Variants in CR1 observed in about 807,000 individuals in gnomAD.
The protein encoded by CR1 is complement receptor type 1.
In CR1, 116 loss-of-function variants were observed where a neutral mutation model predicts 187.3. The observed-to-expected ratio is 0.62, with a 90% CI of 0.53 to 0.72. CR1 has a LOEUF of 0.72. CR1 is among the 30% of genes least tolerant of loss of function. The pLI is 0.00. For missense variants in CR1, 1,731 were observed against 2,110.7 expected, an observed-to-expected ratio of 0.82 and a Z score of 3.52; for synonymous variants, 576 against 747.1, an observed-to-expected ratio of 0.77 and a Z score of 3.73.
chr1:207,598,315 A>G (rs1661505716), intron 35 of CR1, among the ~76,000 whole-genome samples: 1 of 152,238 alleles, frequency 6.6e-6, no homozygotes, highest in South Asian at 2.1e-4. Flanking sequence ...AAAGAAAAAA[A>G]CAGATAACAG....
chr1:207,506,686 G>A, intron 2 of CR1, 28 bp from the exon 3 acceptor site: 1 of 1,601,668 alleles, frequency 6.2e-7, no homozygotes, highest in Non-Finnish European at 8.6e-7. Context: ...ACTCTACTTG[G>A]CTCCAAAATT....
chr1:207,611,153 C>G (rs895885275), intron 37 of CR1, among the ~76,000 whole-genome samples: 2 of 150,968 alleles, frequency 1.3e-5, no homozygotes, highest in African/African-American at 4.9e-5. Flanking sequence ...TGGCTTAAAA[C>G]ATGGAGTGGG....
chr1:207,574,948 C>T (rs75979292), intron 27 of CR1, among the ~76,000 whole-genome samples: 1 of 152,134 alleles, frequency 6.6e-6, no homozygotes, highest in African/African-American at 2.4e-5. Flanking sequence ...GTCTCTTCCA[C>T]CAGAAATAAG....
At chr1:207,600,323 G>A (rs1661569328) in intron 35 of CR1, among the ~76,000 whole-genome samples, 1 of 152,078 alleles carries the variant, frequency 6.6e-6, no homozygotes, top group Admixed American at 6.5e-5. Flanking sequence ...ACTTCAGATT[G>A]GGCAAATAAG....
At position 207,523,564 on chromosome 1, in the gene CR1, T is replaced by G. The variant is rs981128421; in HGVS notation, c.488-47T>G. 5 of 1,610,278 alleles carry G rather than the reference T, an allele frequency of 3.1e-6. No individual in the cohort carries two copies. In the African/African-American group the frequency reaches 4.0e-5, roughly 13 times the overall value. On this transcript the variant is annotated intron_variant, in intron 4 of 46. Transcript: ENST00000367049. ...TAGTGACTCATGAGATTTCTGTCAT[T>G]CATTATTTAAACTGACTGTTATTTA...
At chr1:207,513,843 G>T (rs1468349686) in intron 4 of CR1, among the ~76,000 whole-genome samples, 4 of 145,262 alleles carry the variant, frequency 2.8e-5, no homozygotes, top group Admixed American at 7.2e-5. Context: ...TTACCACGCT[G>T]GCTAGGACCA....
intron 34 of CR1, among the ~76,000 whole-genome samples, chr1:207,588,129 CTTGTTTTGTTT>C (rs1661166329): frequency 6.6e-6 from 1 of 152,038 alleles, no homozygotes; most frequent in African/African-American, 2.4e-5. Flanking sequence ...CCATAAATGA[CTTGTTTTGTTT>C]TTGTTTTGTT....
intron 4 of CR1, among the ~76,000 whole-genome samples, chr1:207,522,362 T>C (rs1184140179): frequency 1.3e-5 from 2 of 152,260 alleles, no homozygotes; most frequent in African/African-American, 4.8e-5. Context: ...TACCAGGGCC[T>C]AGTTCTTGTG....
At chr1:207,623,701 G>T (rs55862635) in intron 45 of CR1, among the ~76,000 whole-genome samples, 5,893 of 151,516 alleles carry the variant, frequency 0.039, 377 homozygotes, top group African/African-American at 0.13. Flanking sequence ...TTTTTAAATA[G>T]TTGTTCATGA....
chr1:207,610,947 C>T (rs1242351848), intron 37 of CR1, among the ~76,000 whole-genome samples: 2 of 152,098 alleles, frequency 1.3e-5, no homozygotes, highest in Non-Finnish European at 2.9e-5. Flanking sequence ...AATCCAATTA[C>T]ACTCTTTCAT....
chr1:207,582,119 T>C lies in CR1; in HGVS notation c.5302+116T>C, dbSNP rs555919745. 6.5e-5 allele frequency: 40 copies of C among 612,994 alleles called. No homozygotes were observed. In the African/African-American group the frequency reaches 6.8e-4, roughly 10 times the overall value. 38.0% of individuals were successfully genotyped at this position (612,994 alleles called of 1,614,324 possible). A position where few individuals can be genotyped will look rare whatever the true frequency, so the allele number is the denominator to read the frequency against. ...TGTTTGTGCCCGCTTTTGATAGAAA[T>C]TGTTCTTTGTTGGAATAGATACAAG... On this transcript the variant is annotated intron_variant, in intron 32 of 46. Transcript: ENST00000367049.
chr1:207,512,787 G>GA (rs1659662183), intron 4 of CR1, among the ~76,000 whole-genome samples: 1 of 152,122 alleles, frequency 6.6e-6, no homozygotes, highest in Non-Finnish European at 1.5e-5. Context: ...CTGGAAATAT[G>GA]AAAAAGATTA....
rs1662617121 is a variant in CR1 at position 207,630,725 on chromosome 1, A to G, written c.7457+104A>G. 3 of 653,276 alleles carry G rather than the reference A, an allele frequency of 4.6e-6. No individual in the cohort carries two copies. The Admixed American group carries it at 1.2e-4, about 25-fold the overall frequency. The allele number at this position is 653,276 out of a possible 1,614,324, so 40.5% of individuals were successfully genotyped here. A position where few individuals can be genotyped will look rare whatever the true frequency, so the allele number is the denominator to read the frequency against. ...TTGCACTAGGTAGGTCATTGATACC[A>G]AAGAATTTAGAAAGTACTTCAGGAG... On this transcript the variant is annotated intron_variant, in intron 46 of 46. Transcript: ENST00000367049.
chr1:207,623,931 T>G (rs1662402584), intron 45 of CR1, among the ~76,000 whole-genome samples: 1 of 139,238 alleles, frequency 7.2e-6, no homozygotes, highest in African/African-American at 2.7e-5. Context: ...TTTTTTTTTT[T>G]TTTTTTTTTT....
intron 23 of CR1, among the ~76,000 whole-genome samples, chr1:207,565,396 C>G (rs1320179636): frequency 4.7e-5 from 7 of 150,484 alleles, no homozygotes; most frequent in South Asian, 2.1e-4. Context: ...AAAGGACAAT[C>G]TCTGTTCTCT....
intron 2 of CR1, 25 bp from the exon 3 acceptor site, chr1:207,506,689 C>T (rs3958441): frequency 1.2e-6 from 2 of 1,607,100 alleles, no homozygotes; most frequent in East Asian, 2.2e-5. Context: ...CTACTTGGCT[C>T]CAAAATTCTG....
At chr1:207,565,508 A>G (rs1356914436) in intron 23 of CR1, among the ~76,000 whole-genome samples, 2 of 150,142 alleles carry the variant, frequency 1.3e-5, no homozygotes, top group Non-Finnish European at 2.9e-5. Context: ...CTGGGTTTCT[A>G]ATAACAACAA....
rs1212005590 is a variant in CR1 at position 207,515,255 on chromosome 1, A to ATATACGTATACGTATACATATATAGG, written c.487+3606_487+3631dup. ...TATATATACATATACATATATAGGT[A>ATATACGTATACGTATACATATATAGG]TATACGTATACGTATACATATATAG... On this transcript the variant is annotated intron_variant, in intron 4 of 46. Coordinates refer to ENST00000367049, the MANE Select transcript of CR1 (RefSeq NM_000651.6). Among the ~76,000 whole-genome samples, 9 of 148,042 alleles carry ATATACGTATACGTATACATATATAGG rather than the reference A, an allele frequency of 6.1e-5. No homozygotes were observed. In the East Asian group the frequency reaches 1.8e-3, roughly 29 times the overall value.
Position 207,496,401 on chromosome 1 carries a change from C to A in CR1, c.121+13C>A. ...CCGGTGGCCTGGGGTGAGAGGCGGGCGGGCGTGGGGAGGCGCCCGGGCGGA... is the reference window on the plus strand; with the variant it reads ...CCGGTGGCCTGGGGTGAGAGGCGGGAGGGCGTGGGGAGGCGCCCGGGCGGA... On this transcript the variant is annotated intron_variant, in intron 1 of 46. Transcript: ENST00000367049. 3 of 1,600,340 alleles carry A rather than the reference C, an allele frequency of 1.9e-6. No individual in the cohort carries two copies. The highest frequency in any genetic ancestry group is 2.2e-5 in the East Asian group (1 of 44,512).
Sources: gnomAD v4.1 joint callset for allele counts (sites outside exome capture counted in the v4.1 genomes callset) on GRCh38, gnomAD v4.1.1 for gene constraint, MANE v1.5 for transcripts, NCBI Gene and HGNC (gene_info 2026-07-23, HGNC 2026-07-21) for gene names.